The following SCAI variants were observed in gnomAD, a reference collection of about 807,000 sequenced individuals.
SCAI encodes the protein suppressor of cancer cell invasion.
SCAI carries 24 observed loss-of-function variants against 92.2 expected under a neutral mutation model. That is an observed-to-expected ratio of 0.26 (90% confidence interval 0.19 to 0.37). The LOEUF is 0.37. Among genes scored for constraint, SCAI ranks in the 10% least tolerant of loss-of-function variants. The pLI is 1.00. For synonymous variants in SCAI, 261 were observed against 258.6 expected, an observed-to-expected ratio of 1.01 and a Z score of -0.09; for missense variants, 450 against 736.2, an observed-to-expected ratio of 0.61 and a Z score of 4.50.
At chr9:124,960,142 C>T (rs1024445651) in intron 17 of SCAI, among the ~76,000 whole-genome samples, 1 of 152,272 alleles carries the variant, frequency 6.6e-6, no homozygotes, top group Non-Finnish European at 1.5e-5. Flanking sequence ...CATACCAATA[C>T]TATGACCAAA....
intron 2 of SCAI, among the ~76,000 whole-genome samples, chr9:125,065,031 T>C (rs1040471985): frequency 2.6e-5 from 4 of 151,884 alleles, no homozygotes; most frequent in East Asian, 3.9e-4. Context: ...TTTAAACACA[T>C]ACATTTAAAA....
intron 2 of SCAI, among the ~76,000 whole-genome samples, chr9:125,121,482 T>C (rs1835154076): frequency 6.6e-6 from 1 of 151,912 alleles, no homozygotes; most frequent in Non-Finnish European, 1.5e-5. Flanking sequence ...ACTTTGGAAA[T>C]GGCTAGAACT....
intron 2 of SCAI, among the ~76,000 whole-genome samples, chr9:125,139,191 T>C (rs9650749): frequency 0.44 from 66,920 of 151,668 alleles, 15,077 homozygotes; most frequent in East Asian, 0.53. Flanking sequence ...GGAAGGCAGA[T>C]AGCTTAAGCC....
At chr9:125,090,451 T>A (rs191220370) in intron 2 of SCAI, among the ~76,000 whole-genome samples, 4 of 146,574 alleles carry the variant, frequency 2.7e-5, no homozygotes, top group Non-Finnish European at 6.0e-5. Flanking sequence ...GATGGAGAGA[T>A]GAGGAAGAGG....
At chr9:125,141,945 C>T (rs527280692) in intron 2 of SCAI, among the ~76,000 whole-genome samples, 1 of 152,220 alleles carries the variant, frequency 6.6e-6, no homozygotes, top group East Asian at 1.9e-4. Flanking sequence ...TTTTTTGAGG[C>T]AGGGTCTTGC....
chr9:125,117,971 C>T (rs956668833), intron 2 of SCAI, among the ~76,000 whole-genome samples: 1 of 152,098 alleles, frequency 6.6e-6, no homozygotes, highest in Non-Finnish European at 1.5e-5. Context: ...ATAATGCCCC[C>T]ATCTTCTAAT....
intron 2 of SCAI, among the ~76,000 whole-genome samples, chr9:125,106,861 T>A (rs1588227406): frequency 9.5e-6 from 1 of 105,180 alleles, no homozygotes; most frequent in South Asian, 3.7e-4. Flanking sequence ...CCACCATGCC[T>A]GGTTAATTTT....
chr9:125,055,983 G>T lies in SCAI; in HGVS notation c.123C>A (p.Ile41=). The change falls in exon 3 of 18, where the codon ATC becomes ATA. Residue 41 remains isoleucine, a synonymous_variant. Transcript: ENST00000336505. The part of the protein sequence containing the change: ...RSRTEFALKE[I]MSSGGAEDDI... Reference sequence around the variant, plus strand: ...CATCTTCAGCACCTCCAGAGGACATGATTTCTTTAAGAGCAAATTCAGTCC... The same window carrying T: ...CATCTTCAGCACCTCCAGAGGACATTATTTCTTTAAGAGCAAATTCAGTCC... 1 of 1,608,868 alleles carries T rather than the reference G, an allele frequency of 6.2e-7. No homozygotes were observed. The highest frequency in any genetic ancestry group is 8.5e-7 in the Non-Finnish European group (1 of 1,176,814).
At chr9:124,968,283 CG>C in intron 17 of SCAI, 1 of 1,152,898 alleles carries the variant, frequency 8.7e-7, no homozygotes, top group South Asian at 1.2e-5. Context: ...TCCTTAAAAC[CG>C]GGCTGGGCAT....
intron 2 of SCAI, among the ~76,000 whole-genome samples, chr9:125,064,221 C>T (rs1030214267): frequency 2.0e-5 from 3 of 152,000 alleles, no homozygotes; most frequent in South Asian, 2.1e-4. Context: ...AAAAGACTAA[C>T]GATAGTAGGA....
intron 2 of SCAI, among the ~76,000 whole-genome samples, chr9:125,069,340 C>T (rs1481773892): frequency 1.3e-5 from 2 of 149,438 alleles, no homozygotes; most frequent in Admixed American, 6.7e-5. Context: ...TTTTTTGAGA[C>T]GGAGTCTTGC....
chr9:125,066,707 C>T (rs1023405444), intron 2 of SCAI, among the ~76,000 whole-genome samples: 1 of 152,176 alleles, frequency 6.6e-6, no homozygotes, highest in African/African-American at 2.4e-5. Context: ...CCTGCCTCGG[C>T]CTCCCAAAGT....
At chr9:125,070,614 G>C (rs1257807566) in intron 2 of SCAI, among the ~76,000 whole-genome samples, 2 of 151,978 alleles carry the variant, frequency 1.3e-5, no homozygotes, top group Non-Finnish European at 2.9e-5. Flanking sequence ...GGCCAGGCTG[G>C]TCTAGCACTC....
At chr9:125,019,402 A>G (rs1832825268) in intron 7 of SCAI, among the ~76,000 whole-genome samples, 197 bp from the exon 8 acceptor site, 1 of 152,170 alleles carries the variant, frequency 6.6e-6, no homozygotes, top group African/African-American at 2.4e-5. Flanking sequence ...AATAACACCC[A>G]TCAAATAAAG....
intron 9 of SCAI, among the ~76,000 whole-genome samples, chr9:125,017,818 G>T (rs574033808): frequency 6.6e-6 from 1 of 152,096 alleles, no homozygotes; most frequent in Admixed American, 6.6e-5. Flanking sequence ...AGACCAGCCT[G>T]GCCAACATGA....
chr9:124,999,386 C>CA (rs879464843), intron 13 of SCAI, among the ~76,000 whole-genome samples: 533 of 116,814 alleles, frequency 4.6e-3, no homozygotes, highest in Middle Eastern at 0.016. Flanking sequence ...GACTCCATCT[C>CA]AAAAAAAAAA....
At chr9:125,108,215 C>T (rs1218029788) in intron 2 of SCAI, among the ~76,000 whole-genome samples, 1 of 152,274 alleles carries the variant, frequency 6.6e-6, no homozygotes, top group Non-Finnish European at 1.5e-5. Flanking sequence ...GCCTTGGCCT[C>T]CCAAAGTGCC....
At chr9:124,959,176 G>A (rs905283096) in intron 17 of SCAI, among the ~76,000 whole-genome samples, 2 of 150,520 alleles carry the variant, frequency 1.3e-5, no homozygotes, top group Non-Finnish European at 3.0e-5. Context: ...GTTAATGGGT[G>A]CAGCACACCA....
At chr9:124,975,276 C>T (rs1220134762) in intron 15 of SCAI, 3 of 454,764 alleles carry the variant, frequency 6.6e-6, no homozygotes, top group Non-Finnish European at 1.3e-5. Flanking sequence ...CCTCCAGCTT[C>T]TCTCAGGCAT....
Sources: allele counts gnomAD v4.1 joint callset (sites outside exome capture counted in the v4.1 genomes callset), GRCh38; gene constraint gnomAD v4.1.1; transcripts MANE v1.5; gene names NCBI Gene and HGNC (gene_info 2026-07-23, HGNC 2026-07-21).